SLC24A2: variants seen among roughly 807,000 people sequenced by gnomAD.
SLC24A2 encodes the protein sodium/potassium/calcium exchanger 2.
In SLC24A2, 36 loss-of-function variants were observed where a neutral mutation model predicts 62.0. The observed-to-expected ratio is 0.58, with a 90% CI of 0.44 to 0.77. The LOEUF (loss-of-function observed/expected upper bound fraction) is 0.77, where lower values mean the gene tolerates loss of function less well. Among genes scored for constraint, SLC24A2 ranks in the 30% least tolerant of loss-of-function variants. SLC24A2 has a pLI of 0.00. For missense variants in SLC24A2, 846 were observed against 817.9 expected (o/e 1.03, Z -0.42); for synonymous variants, 358 against 294.0 (o/e 1.22, Z -2.23).
At chr9:19,959,348 TA>T in the SLC24A2 span, among the ~76,000 whole-genome samples, 1 of 152,192 alleles carries the variant, frequency 6.6e-6, no homozygotes, top group Non-Finnish European at 1.5e-5. Context: ...GACATGGCTT[TA>T]AAAAATGAGG....
At chr9:20,258,779 T>C in the SLC24A2 span, among the ~76,000 whole-genome samples, 7 of 129,488 alleles carry the variant, frequency 5.4e-5, no homozygotes, top group Non-Finnish European at 4.6e-5. Flanking sequence ...TATCTATCTA[T>C]CTATCTATCT....
At chr9:20,028,823 C>G in the SLC24A2 span, among the ~76,000 whole-genome samples, 1 of 152,196 alleles carries the variant, frequency 6.6e-6, no homozygotes, top group Non-Finnish European at 1.5e-5. Context: ...GCAGATCCCC[C>G]AAATCCTTCC....
At chr9:19,958,615 G>C in the SLC24A2 span, among the ~76,000 whole-genome samples, 1 of 152,304 alleles carries the variant, frequency 6.6e-6, no homozygotes, top group South Asian at 2.1e-4. Flanking sequence ...CACTGAACAA[G>C]ACACAATCTC....
At chr9:19,661,311 A>G (rs1819093697) in intron 2 of SLC24A2, among the ~76,000 whole-genome samples, 1 of 152,032 alleles carries the variant, frequency 6.6e-6, no homozygotes, top group Admixed American at 6.6e-5. Context: ...ACCTCTAATG[A>G]CCAGTCCTTA....
the SLC24A2 span, among the ~76,000 whole-genome samples, chr9:19,894,362 C>T: frequency 6.6e-5 from 10 of 152,158 alleles, no homozygotes; most frequent in African/African-American, 2.4e-4. Context: ...GATATTTCCT[C>T]GATTTTTTGC....
At chr9:20,186,047 G>T in the SLC24A2 span, among the ~76,000 whole-genome samples, 41 of 152,226 alleles carry the variant, frequency 2.7e-4, no homozygotes, top group African/African-American at 9.6e-4. Flanking sequence ...TAGGAGCCTT[G>T]GAGTTCTGTC....
At chr9:19,771,057 G>T (rs1822671321) in intron 2 of SLC24A2, among the ~76,000 whole-genome samples, 1 of 152,192 alleles carries the variant, frequency 6.6e-6, no homozygotes. Context: ...ATAACCAAAA[G>T]CAAGTATTGG....
chr9:20,062,089 C>A, the SLC24A2 span, among the ~76,000 whole-genome samples: 1 of 152,020 alleles, frequency 6.6e-6, no homozygotes, highest in Non-Finnish European at 1.5e-5. Flanking sequence ...AATACCCAGG[C>A]GTGGTGGCAC....
intron 2 of SLC24A2, among the ~76,000 whole-genome samples, chr9:19,727,784 CA>C (rs1821214451): frequency 1.3e-5 from 2 of 152,154 alleles, no homozygotes. Context: ...TCCCTCTCAG[CA>C]AAGGTCTGAT....
chr9:20,177,552 AGGAAGTGAGTGGTATGTTT>A, the SLC24A2 span, among the ~76,000 whole-genome samples: 1 of 152,124 alleles, frequency 6.6e-6, no homozygotes, highest in East Asian at 1.9e-4. Flanking sequence ...AAGTCTTGAG[AGGAAGTGAGTGGTATGTTT>A]GGAACATATA....
chr9:20,155,777 A>G, the SLC24A2 span, among the ~76,000 whole-genome samples: 2 of 151,910 alleles, frequency 1.3e-5, no homozygotes, highest in African/African-American at 4.8e-5. Flanking sequence ...TATTCATCAT[A>G]GTTTAATTTT....
the SLC24A2 span, among the ~76,000 whole-genome samples, chr9:20,078,967 C>G: frequency 6.6e-6 from 1 of 151,740 alleles, no homozygotes; most frequent in Non-Finnish European, 1.5e-5. Context: ...GAATGGTGAC[C>G]TCTAAAAGAA....
At chr9:20,144,324 A>G in the SLC24A2 span, among the ~76,000 whole-genome samples, 1 of 152,198 alleles carries the variant, frequency 6.6e-6, no homozygotes, top group African/African-American at 2.4e-5. Flanking sequence ...AACCTTAAAC[A>G]CCCAAGTGTC....
the SLC24A2 span, among the ~76,000 whole-genome samples, chr9:20,119,978 G>A: frequency 6.6e-6 from 1 of 152,104 alleles, no homozygotes; most frequent in Non-Finnish European, 1.5e-5. Context: ...AAGTCTCACT[G>A]GGCTGAGATC....
the SLC24A2 span, among the ~76,000 whole-genome samples, chr9:20,068,351 C>T: frequency 0.011 from 1,605 of 152,082 alleles, 35 homozygotes; most frequent in African/African-American, 0.036. Flanking sequence ...TGTGAGCCAC[C>T]GCACCTAGCC....
At position 19,599,277 on chromosome 9, in the gene SLC24A2, T is replaced by A. The variant is rs1457542297; in HGVS notation, c.1079-1998A>T. ...CAAAGCTCACACATTCTCGACAACG[T>A]GGCAATGTCTAGATCGCTTCTTAGC... On this transcript the variant is annotated intron_variant, in intron 4 of 10. Coordinates refer to ENST00000341998, the MANE Select transcript of SLC24A2 (RefSeq NM_020344.4). The surrounding 1 kb of genome is among the most constrained non-coding windows in gnomAD (Gnocchi z 4.5). Among the ~76,000 whole-genome samples the A allele has an allele frequency of 6.6e-6, 1 of 152,220 alleles. No homozygotes were observed. The highest frequency in any genetic ancestry group is 1.5e-5 in the Non-Finnish European group (1 of 68,042).
the SLC24A2 span, among the ~76,000 whole-genome samples, chr9:19,836,780 G>C: frequency 2.3e-4 from 35 of 152,218 alleles, 1 homozygote; most frequent in Middle Eastern, 6.8e-3. Flanking sequence ...AACCAAAAAA[G>C]AGAATTTTAG....
the SLC24A2 span, among the ~76,000 whole-genome samples, chr9:19,863,687 A>G: frequency 8.8e-6 from 1 of 113,106 alleles, no homozygotes; most frequent in South Asian, 2.4e-4. Flanking sequence ...ACAACTTACC[A>G]AAATCTATGG....
the SLC24A2 span, among the ~76,000 whole-genome samples, chr9:20,265,911 G>C: frequency 6.6e-6 from 1 of 152,092 alleles, no homozygotes; most frequent in Non-Finnish European, 1.5e-5. Context: ...TTTTATGGTC[G>C]ATCTGTAGGG....
Sources: allele counts gnomAD v4.1 joint callset (sites outside exome capture counted in the v4.1 genomes callset), GRCh38; gene constraint gnomAD v4.1.1; non-coding constraint Gnocchi (gnomAD v3.1); transcripts MANE v1.5; gene names NCBI Gene and HGNC (gene_info 2026-07-23, HGNC 2026-07-21).